CASZ1: variants seen among roughly 807,000 people sequenced by gnomAD.
CASZ1 encodes zinc finger protein castor homolog 1.
In CASZ1, 28 loss-of-function variants were observed where a neutral mutation model predicts 135.2. The ratio of observed to expected loss-of-function variants is 0.21; its 90% CI spans 0.15 to 0.28. The LOEUF (loss-of-function observed/expected upper bound fraction) is 0.28, where lower values mean the gene tolerates loss of function less well. Among genes scored for constraint, CASZ1 ranks in the 10% least tolerant of loss-of-function variants. The probability of loss-of-function intolerance (pLI) is 1.00; values close to 1 mark genes in which losing one functional copy is unlikely to be tolerated. For synonymous variants in CASZ1, 1,068 were observed against 1,073.4 expected (o/e 0.99, Z 0.10); for missense variants, 2,161 against 2,453.3 (o/e 0.88, Z 2.52).
chr1:10,649,838 G>C (rs1642502632), intron 13 of CASZ1: 1 of 149,292 alleles, frequency 6.7e-6, no homozygotes, highest in Admixed American at 6.4e-5. Flanking sequence ...CGAATTCCTT[G>C]AGAACAAGAG....
Position 10,692,438 on chromosome 1 carries a change from G to A in CASZ1, c.16+1436C>T, listed in dbSNP as rs575193946. Among the ~76,000 whole-genome samples the A allele has an allele frequency of 1.7e-4, 26 of 152,276 alleles. 1 individual carries two copies. In the South Asian group the frequency reaches 4.8e-3, roughly 28 times the overall value. The stretch of plus-strand genomic sequence containing the variant: ...CGAAGAAAGGGGGTGGGGCCTGAGA[G>A]GGAGGTGATGAGACACCGACTGGAG... On this transcript the variant is annotated intron_variant, in intron 4 of 20. Coordinates refer to ENST00000377022, the MANE Select transcript of CASZ1 (RefSeq NM_001079843.3).
intron 4 of CASZ1, among the ~76,000 whole-genome samples, chr1:10,687,085 C>A (rs1218597034): frequency 6.6e-6 from 1 of 152,188 alleles, no homozygotes. Flanking sequence ...TCCCAACAGG[C>A]CTCTGGGACG....
chr1:10,760,398 T>G (rs1043427820), intron 2 of CASZ1, among the ~76,000 whole-genome samples: 7 of 152,238 alleles, frequency 4.6e-5, no homozygotes, highest in African/African-American at 1.4e-4. Context: ...GGAAGATCCT[T>G]AAAAGGCCAG....
chr1:10,640,456 G>A (rs1368511977), intron 20 of CASZ1, among the ~76,000 whole-genome samples: 2 of 152,190 alleles, frequency 1.3e-5, no homozygotes, highest in African/African-American at 2.4e-5. Flanking sequence ...GGGCCAAGAC[G>A]CCAGCTATAG....
At chr1:10,678,058 G>C (rs1458426107) in intron 4 of CASZ1, among the ~76,000 whole-genome samples, 1 of 152,204 alleles carries the variant, frequency 6.6e-6, no homozygotes, top group Non-Finnish European at 1.5e-5. Flanking sequence ...GTGTGTTGAT[G>C]GGGAGACAGG....
chr1:10,792,688 C>T (rs758596892), intron 1 of CASZ1, among the ~76,000 whole-genome samples: 20 of 144,740 alleles, frequency 1.4e-4, no homozygotes, highest in Non-Finnish European at 2.4e-4. Flanking sequence ...CGCCTCCCCA[C>T]GCCCCCACCC....
chr1:10,790,486 A>G (rs1212367777), intron 1 of CASZ1, among the ~76,000 whole-genome samples: 1 of 152,152 alleles, frequency 6.6e-6, no homozygotes, highest in Non-Finnish European at 1.5e-5. Context: ...TTTTTCTGAT[A>G]TAGACATCAA....
intron 1 of CASZ1, among the ~76,000 whole-genome samples, chr1:10,773,195 T>A (rs1557563523): frequency 6.6e-6 from 1 of 152,328 alleles, no homozygotes; most frequent in South Asian, 2.1e-4. Flanking sequence ...ATGTGGGCAC[T>A]GAGATTAGGG....
rs1638243117 is a variant in CASZ1, at chr1:10,676,925, C to T, written c.17-11354G>A. On this transcript the variant is annotated intron_variant, in intron 4 of 20. Transcript: ENST00000377022. This position sits in a 1 kb window ranked among gnomAD's most constrained non-coding sequence, Gnocchi z 4.5. ...CTGAACCCCATACTGCCTGGCTCTGCCACTGCCTCTCGCTGAGGCCCCTGT... is the reference window on the plus strand; with the variant it reads ...CTGAACCCCATACTGCCTGGCTCTGTCACTGCCTCTCGCTGAGGCCCCTGT... Among the ~76,000 whole-genome samples, 1 of 152,244 alleles carries T rather than the reference C, an allele frequency of 6.6e-6. No individual in the cohort carries two copies.
intron 5 of CASZ1, chr1:10,660,771 A>C: frequency 1.8e-6 from 1 of 551,006 alleles, no homozygotes; most frequent in African/African-American, 1.9e-5. Context: ...CAATGCCAGG[A>C]AAATCAATTT....
chr1:10,761,463 C>T (rs1315363762), intron 1 of CASZ1, among the ~76,000 whole-genome samples: 1 of 152,098 alleles, frequency 6.6e-6, no homozygotes, highest in Non-Finnish European at 1.5e-5. Flanking sequence ...CTGTGGGACT[C>T]AATTTCATAA....
chr1:10,696,011 C>T (rs1638926467), intron 3 of CASZ1, among the ~76,000 whole-genome samples: 1 of 152,210 alleles, frequency 6.6e-6, no homozygotes, highest in Admixed American at 6.5e-5. Flanking sequence ...AGGGCCCAGG[C>T]TTCCCTGGTC....
In CASZ1 at chr1:10,734,172, C is replaced by T. The variant is rs527981523; in HGVS notation, c.-77+26529G>A. On this transcript the variant is annotated intron_variant, in intron 2 of 20. Coordinates refer to ENST00000377022, the MANE Select transcript of CASZ1 (RefSeq NM_001079843.3). ...GCAGATGACAGGCAGAGGTGGCAGCCGCCCCCCTTCCTGAGCCTGTGGAGT... is the reference window on the plus strand; with the variant it reads ...GCAGATGACAGGCAGAGGTGGCAGCTGCCCCCCTTCCTGAGCCTGTGGAGT... Among the ~76,000 whole-genome samples, 16 of 151,960 alleles carry T rather than the reference C, an allele frequency of 1.1e-4. No homozygotes were observed. In the East Asian group the frequency reaches 2.5e-3, roughly 24 times the overall value.
chr1:10,663,912 G>A (rs1044782967), intron 5 of CASZ1, among the ~76,000 whole-genome samples: 11 of 152,314 alleles, frequency 7.2e-5, no homozygotes, highest in Admixed American at 2.6e-4. Context: ...CGTCAGCTGC[G>A]GGCAGAGCTG....
At chr1:10,785,550 T>C (rs1302531344) in intron 1 of CASZ1, among the ~76,000 whole-genome samples, 1 of 152,218 alleles carries the variant, frequency 6.6e-6, no homozygotes, top group African/African-American at 2.4e-5. Context: ...ATGCCCTTGC[T>C]TCCTTAGGTC....
intron 6 of CASZ1, 126 bp from the exon 7 acceptor site, chr1:10,658,702 C>A: frequency 1.2e-6 from 1 of 807,818 alleles, no homozygotes; most frequent in South Asian, 1.4e-5. Context: ...GTGTCCGAGG[C>A]ACCCACGGTG....
In CASZ1 at chr1:10,679,869, G is replaced by A. The variant is rs1017272305; in HGVS notation, c.16+14005C>T. Among the ~76,000 whole-genome samples, 2 of 152,206 alleles carry A rather than the reference G, an allele frequency of 1.3e-5. No homozygotes were observed. Among genetic ancestry groups the A allele is most frequent in the African/African-American group, 4.8e-5 (2 of 41,458 alleles). Reference sequence around the variant, plus strand: ...CGGATCTGCAGGGGCAGCAGGCCAAGTCCCAGCCCTGGGACTCCCCTCCCC... The same window carrying A: ...CGGATCTGCAGGGGCAGCAGGCCAAATCCCAGCCCTGGGACTCCCCTCCCC... On this transcript the variant is annotated intron_variant, in intron 4 of 20. Coordinates refer to ENST00000377022, the MANE Select transcript of CASZ1 (RefSeq NM_001079843.3). The surrounding 1 kb of genome is among the most constrained non-coding windows in gnomAD (Gnocchi z 4.7).
chr1:10,681,517 CT>C (rs1449608421), intron 4 of CASZ1, among the ~76,000 whole-genome samples: 4 of 152,210 alleles, frequency 2.6e-5, no homozygotes, highest in Non-Finnish European at 5.9e-5. Flanking sequence ...TGACATTTCA[CT>C]TTCTCTGGGC....
chr1:10,646,319 A>G lies in CASZ1; in HGVS notation c.3505T>C (p.Cys1169Arg). Residue 1169 changes from cysteine to arginine, a missense_variant, in exon 17 of 21, where the codon TGC becomes CGC. Physicochemically the swap from Cys to Arg is radical, Grantham distance 180 (BLOSUM62 -3). This residue lies in a region of CASZ1 where 349 missense variants were observed against 460.8 expected (regional missense o/e 0.76). Transcript: ENST00000377022. The surrounding 1 kb of genome is among the most constrained non-coding windows in gnomAD (Gnocchi z 6.4). The part of the protein sequence containing the change: ...GFLQFQENDP[C>R]LATDCKYANK... ...GCGTACTTGCAGTCCGTGGCGAGGC[A>G]AGGATCGCTGGAAGGAAACCACAGC... 6.2e-7 allele frequency: 1 copy of G among 1,613,990 alleles called. No homozygotes were observed. The highest frequency in any genetic ancestry group is 8.5e-7 in the Non-Finnish European group (1 of 1,179,966).
Sources: gnomAD v4.1 joint callset for allele counts (sites outside exome capture counted in the v4.1 genomes callset) on GRCh38, gnomAD v4.1.1 for gene constraint, gnomAD v4.1.1 regional missense constraint, Gnocchi (gnomAD v3.1) non-coding constraint, MANE v1.5 for transcripts, NCBI Gene and HGNC (gene_info 2026-07-23, HGNC 2026-07-21) for gene names.